The following PHF2 variants were observed in gnomAD, a reference collection of about 807,000 sequenced individuals.
The protein encoded by PHF2 is PHD finger protein 2.
In PHF2, 27 loss-of-function variants were observed where a neutral mutation model predicts 120.5. The ratio of observed to expected loss-of-function variants is 0.22; its 90% CI spans 0.17 to 0.31. The LOEUF (loss-of-function observed/expected upper bound fraction) is 0.31. Ranked by LOEUF, PHF2 falls within the 10% of genes least tolerant of loss-of-function variation. The pLI is 1.00. For missense variants in PHF2, 1,024 were observed against 1,434.8 expected (o/e 0.71, Z 4.63); for synonymous variants, 568 against 592.5 (o/e 0.96, Z 0.60).
At chr9:93,627,746 A>G (rs1825937918) in intron 1 of PHF2, among the ~76,000 whole-genome samples, 1 of 152,114 alleles carries the variant, frequency 6.6e-6, no homozygotes, top group Admixed American at 6.5e-5. Flanking sequence ...TTCTGTATCA[A>G]TTGAGATGGT....
At chr9:93,601,800 G>A (rs956183706) in intron 1 of PHF2, among the ~76,000 whole-genome samples, 2 of 152,108 alleles carry the variant, frequency 1.3e-5, no homozygotes, top group Non-Finnish European at 2.9e-5. Context: ...GGAGCTCCAC[G>A]GGCAGAGCAG....
intron 1 of PHF2, among the ~76,000 whole-genome samples, chr9:93,626,373 A>G (rs1825915379): frequency 6.6e-6 from 1 of 152,212 alleles, no homozygotes; most frequent in Non-Finnish European, 1.5e-5. Context: ...CCATTTGCAT[A>G]TTTCTTTGAA....
chr9:93,656,114 G>GA lies in PHF2; in HGVS notation c.1040+93_1040+94insA. On this transcript the variant is annotated intron_variant, in intron 8 of 21. Transcript: ENST00000359246. This position sits in a 1 kb window ranked among gnomAD's most constrained non-coding sequence, Gnocchi z 4.1. ...GCTAGATGCCTTGGGCTGAGTCCTG[G>GA]CACAGCCCGCCTGTGGGTGGCCTGG... 6.0e-6 allele frequency: 6 copies of GA among 996,370 alleles called. No individual in the cohort carries two copies. The highest frequency in any genetic ancestry group is 1.6e-5 in the African/African-American group (1 of 62,744). 61.7% of individuals were successfully genotyped at this position (996,370 alleles called of 1,614,324 possible). A position where few individuals can be genotyped will look rare whatever the true frequency, so the allele number is the denominator to read the frequency against.
intron 5 of PHF2, among the ~76,000 whole-genome samples, chr9:93,651,185 G>A (rs1017161829): frequency 6.6e-6 from 1 of 151,936 alleles, no homozygotes; most frequent in Non-Finnish European, 1.5e-5. Flanking sequence ...GTGGGTTATG[G>A]TACCAGAGAA....
chr9:93,661,913 A>C (rs1008090573), intron 12 of PHF2, among the ~76,000 whole-genome samples: 1 of 151,422 alleles, frequency 6.6e-6, no homozygotes, highest in African/African-American at 2.4e-5. Context: ...AGATGGATAG[A>C]TGAATGAAAA....
In PHF2 at chr9:93,673,656, C is replaced by T; in HGVS notation, c.2420C>T (p.Ser807Phe). The change falls in exon 18 of 22, where the codon TCC becomes TTC. Residue 807 changes from serine (S) to phenylalanine (F), a missense_variant. Transcript: ENST00000359246. The part of the protein sequence containing the change: ...GMLSMANLQA[S>F]DSCLQTTWGA... The stretch of plus-strand genomic sequence containing the variant: ...CTGTCCATGGCCAACCTGCAGGCCT[C>T]CGACTCCTGCCTGCAGACCACGTGG... 1 of 1,610,956 alleles carries T rather than the reference C, an allele frequency of 6.2e-7. No homozygotes were observed. The highest frequency in any genetic ancestry group is 8.5e-7 in the Non-Finnish European group (1 of 1,178,282).
chr9:93,650,016 GAC>G (rs1826338091), intron 5 of PHF2, among the ~76,000 whole-genome samples: 1 of 144,842 alleles, frequency 6.9e-6, no homozygotes, highest in African/African-American at 2.5e-5. Flanking sequence ...CACACTCACG[GAC>G]ACACTCGCCA....
rs372367486 is a variant in PHF2 at position 93,676,860 on chromosome 9, C to T, written c.3099C>T (p.Thr1033=). Residue 1033 remains threonine (T), a synonymous_variant, in exon 21 of 22, where the codon ACC becomes ACT. Coordinates refer to ENST00000359246, the MANE Select transcript of PHF2 (RefSeq NM_005392.4). ...AGTACACAGCCGCTGGCACCTTCAC[C>T]GGGGCCCAGGCTGGCCGCACCTCCC... The part of the protein sequence containing the change: ...DHEYTAAGTF[T]GAQAGRTSQP... The T allele has an allele frequency of 1.7e-4, 271 of 1,567,964 alleles. No homozygotes were observed. The highest frequency in any genetic ancestry group is 2.1e-4 in the Non-Finnish European group (246 of 1,156,512).
intron 1 of PHF2, among the ~76,000 whole-genome samples, chr9:93,619,623 C>G (rs1825791473): frequency 6.6e-6 from 1 of 151,976 alleles, no homozygotes. Context: ...TGTGCCATGC[C>G]TGCTGGTGGC....
intron 12 of PHF2, among the ~76,000 whole-genome samples, chr9:93,661,050 T>A (rs1380378405): frequency 6.6e-6 from 1 of 152,166 alleles, no homozygotes; most frequent in Non-Finnish European, 1.5e-5. Flanking sequence ...ATGAGGTGTC[T>A]GTGCAGAAAC....
intron 1 of PHF2, among the ~76,000 whole-genome samples, chr9:93,619,673 G>A (rs1218061841): frequency 1.3e-5 from 2 of 152,184 alleles, no homozygotes; most frequent in Non-Finnish European, 2.9e-5. Flanking sequence ...GTGGCACCCC[G>A]TGGCCCGTGC....
intron 2 of PHF2, among the ~76,000 whole-genome samples, chr9:93,632,521 G>A (rs1159074426): frequency 2.0e-5 from 3 of 152,198 alleles, no homozygotes; most frequent in Non-Finnish European, 4.4e-5. Flanking sequence ...GGCTGATTCA[G>A]TGTGTGGTGA....
At chr9:93,666,716 G>T (rs1208161050) in intron 16 of PHF2, among the ~76,000 whole-genome samples, 4 of 152,168 alleles carry the variant, frequency 2.6e-5, no homozygotes, top group Non-Finnish European at 5.9e-5. Flanking sequence ...GGATCACAAG[G>T]TCAGGAGATT....
chr9:93,659,402 A>G (rs1409826956), intron 10 of PHF2, 109 bp from the exon 11 acceptor site: 1 of 857,582 alleles, frequency 1.2e-6, no homozygotes, highest in Non-Finnish European at 1.9e-6. Flanking sequence ...CCCTCGCCTC[A>G]TGCTCATCTG....
At position 93,677,554 on chromosome 9, in the gene PHF2, T is replaced by A; in HGVS notation, c.3203-34T>A. On this transcript the variant is annotated intron_variant, in intron 21 of 21. Coordinates refer to ENST00000359246, the MANE Select transcript of PHF2 (RefSeq NM_005392.4). The surrounding 1 kb of genome is among the most constrained non-coding windows in gnomAD (Gnocchi z 4.4). ...CACGCCCCTTGCCATCTAGCTTACC[T>A]TCCCTTTTTGTGTCCCCTCCCCGAC... 1 of 1,572,002 alleles carries A rather than the reference T, an allele frequency of 6.4e-7. No individual in the cohort carries two copies. Among genetic ancestry groups the A allele is most frequent in the Non-Finnish European group, 8.7e-7 (1 of 1,143,050 alleles).
intron 1 of PHF2, among the ~76,000 whole-genome samples, chr9:93,619,531 C>T (rs568350016): frequency 6.5e-4 from 99 of 152,358 alleles, no homozygotes; most frequent in Non-Finnish European, 1.1e-3. Flanking sequence ...GCTCAGATGG[C>T]CCCCAGTGGC....
chr9:93,618,990 G>A (rs1825779900), intron 1 of PHF2, among the ~76,000 whole-genome samples: 1 of 110,744 alleles, frequency 9.0e-6, no homozygotes, highest in Admixed American at 8.3e-5. Context: ...ACTTCCCTGT[G>A]GGTCTGATCC....
chr9:93,603,097 G>A (rs1444358219), intron 1 of PHF2, among the ~76,000 whole-genome samples: 4 of 152,192 alleles, frequency 2.6e-5, no homozygotes, highest in East Asian at 1.9e-4. Flanking sequence ...GGGCTTCAGC[G>A]GTTGCTGGGC....
intron 3 of PHF2, among the ~76,000 whole-genome samples, 160 bp from the exon 4 acceptor site, chr9:93,645,469 C>T (rs915953812): frequency 5.3e-5 from 8 of 152,196 alleles, no homozygotes; most frequent in African/African-American, 1.9e-4. Flanking sequence ...GCTGCTCTAT[C>T]GTCCCATTTG....
Sources: allele counts gnomAD v4.1 joint callset (sites outside exome capture counted in the v4.1 genomes callset), GRCh38; gene constraint gnomAD v4.1.1; non-coding constraint Gnocchi (gnomAD v3.1); transcripts MANE v1.5; gene names NCBI Gene and HGNC (gene_info 2026-07-23, HGNC 2026-07-21).